Variants in SPESP1 observed in about 807,000 individuals in gnomAD.
SPESP1 encodes sperm equatorial segment protein 1, also known as equatorial segment protein.
SPESP1 carries 1 observed loss-of-function variant against 3.1 expected under a neutral mutation model. The ratio of observed to expected loss-of-function variants is 0.33; its 90% confidence interval spans 0.12 to 1.54. The LOEUF (loss-of-function observed/expected upper bound fraction) is 1.54. Among genes scored for constraint, SPESP1 ranks in the 40% most tolerant of loss-of-function variants. The pLI, the probability that SPESP1 is intolerant of heterozygous loss-of-function variation, is 0.38. For synonymous variants in SPESP1, 138 were observed against 150.7 expected (o/e 0.92, Z 0.62); for missense variants, 398 against 410.1 (o/e 0.97, Z 0.26).
intron 1 of SPESP1, 130 bp downstream of exon 1, chr15:68,930,847 C>G: frequency 7.0e-7 from 1 of 1,424,402 alleles, no homozygotes; most frequent in Non-Finnish European, 9.6e-7. Flanking sequence ...TGTCCGGGGT[C>G]CTGGCCTCGA....
intron 1 of SPESP1, among the ~76,000 whole-genome samples, chr15:68,939,561 A>G (rs372365786): frequency 1.3e-5 from 2 of 152,238 alleles, no homozygotes; most frequent in Non-Finnish European, 2.9e-5. Flanking sequence ...GAGAAGGTCA[A>G]CATGAAATAG....
In SPESP1 at chr15:68,939,218, A is replaced by G. The variant is rs1231928513; in HGVS notation, c.65-6381A>G. On this transcript the variant is annotated intron_variant, in intron 1 of 1. Transcript: ENST00000310673. The stretch of plus-strand genomic sequence containing the variant: ...ATGGTTTCCCAAGCTGAAGATTCTT[A>G]CCTGGGCCAGAGCCATGTTCTAGGA... Among the ~76,000 whole-genome samples, 5 of 152,216 alleles carry G rather than the reference A, an allele frequency of 3.3e-5. No individual in the cohort carries two copies. In the East Asian group the frequency reaches 9.6e-4, roughly 29 times the overall value.
chr15:68,938,908 A>T (rs939028337), intron 1 of SPESP1, among the ~76,000 whole-genome samples: 1 of 152,190 alleles, frequency 6.6e-6, no homozygotes, highest in Non-Finnish European at 1.5e-5. Context: ...TGCCTGGCAC[A>T]TAGTGATCAT....
At chr15:68,930,978 G>A (rs2140414803) in intron 1 of SPESP1, among the ~76,000 whole-genome samples, 1 of 152,316 alleles carries the variant, frequency 6.6e-6, no homozygotes, top group African/African-American at 2.4e-5. Context: ...TCACCTCACC[G>A]GAGGCCTTCC....
rs748795850 is a variant in SPESP1 at position 68,946,733 on chromosome 15, A to G, written c.*146A>G. 65 of 1,042,206 alleles carry G rather than the reference A, an allele frequency of 6.2e-5. No individual in the cohort carries two copies. The highest frequency in any genetic ancestry group is 7.5e-5 in the Non-Finnish European group (60 of 798,212). The allele number at this position is 1,042,206 out of a possible 1,614,324, so 64.6% of individuals were successfully genotyped here. Reference sequence around the variant, plus strand: ...TTTCTATTGTAGTTCAAATGTGCCAACATCTTTATGTGTCATGTGTTATGA... The same window carrying G: ...TTTCTATTGTAGTTCAAATGTGCCAGCATCTTTATGTGTCATGTGTTATGA... On this transcript the variant is annotated 3_prime_UTR_variant, in exon 2 of 2. Transcript: ENST00000310673.
intron 1 of SPESP1, among the ~76,000 whole-genome samples, chr15:68,941,064 A>G (rs1030000324): frequency 3.9e-5 from 6 of 151,976 alleles, no homozygotes; most frequent in African/African-American, 1.2e-4. Flanking sequence ...GCTTTATAAT[A>G]TATTTAAATA....
Position 68,946,225 on chromosome 15 carries a change from T to G in SPESP1, c.691T>G (p.Leu231Val), listed in dbSNP as rs759965013. Residue 231 changes from leucine to valine, a missense_variant, in exon 2 of 2, where the codon TTA (leucine) becomes GTA (valine). Coordinates refer to ENST00000310673, the MANE Select transcript of SPESP1 (RefSeq NM_145658.4). The stretch of plus-strand genomic sequence containing the variant: ...TAATGATGACATTTTGAAAAAAATT[T>G]TAGATATTAATTCACAAGTGCAACA... ...WNNDDILKKI[L>V]DINSQVQQAL... 3 of 1,614,092 alleles carry G rather than the reference T, an allele frequency of 1.9e-6. No homozygotes were observed. The East Asian group carries it at 6.7e-5, about 36-fold the overall frequency.
chr15:68,934,717 AT>A (rs796417180), intron 1 of SPESP1, among the ~76,000 whole-genome samples: 34 of 152,252 alleles, frequency 2.2e-4, no homozygotes, highest in African/African-American at 8.2e-4. Flanking sequence ...CTTAAGCAAC[AT>A]TTTTTATCTC....
rs557432084 is a variant in SPESP1 at position 68,937,485 on chromosome 15, AT to A, written c.64+6776del. On this transcript the variant is annotated intron_variant, in intron 1 of 1. Transcript: ENST00000310673. ...AAGGGGAGTAAGGATGGAACTTATT[AT>A]TTTTTTTCTTTATTTCTTCTAAAAA... Among the ~76,000 whole-genome samples the A allele has an allele frequency of 2.0e-3, 306 of 151,688 alleles. 1 individual carries two copies. Among genetic ancestry groups the A allele is most frequent in the African/African-American group, 6.8e-3 (281 of 41,302 alleles).
intron 1 of SPESP1, among the ~76,000 whole-genome samples, chr15:68,936,252 T>C (rs1895678312): frequency 6.6e-6 from 1 of 152,204 alleles, no homozygotes; most frequent in Non-Finnish European, 1.5e-5. Context: ...TTCAAATCTT[T>C]AACAAAATGA....
intron 1 of SPESP1, among the ~76,000 whole-genome samples, chr15:68,936,576 A>T (rs1567062827): frequency 6.6e-6 from 1 of 152,314 alleles, no homozygotes; most frequent in African/African-American, 2.4e-5. Context: ...GATATGGGAA[A>T]TGGATTTTAC....
At chr15:68,939,156 G>A (rs1363637482) in intron 1 of SPESP1, among the ~76,000 whole-genome samples, 5 of 152,138 alleles carry the variant, frequency 3.3e-5, no homozygotes, top group Non-Finnish European at 7.3e-5. Context: ...TTAGCAGTTA[G>A]CCATCCTGCT....
chr15:68,930,765 A>G, intron 1 of SPESP1, 48 bp downstream of exon 1: 1 of 1,612,462 alleles, frequency 6.2e-7, no homozygotes, highest in African/African-American at 1.3e-5. Flanking sequence ...ACCCTGGGGG[A>G]ACTTCCCGAG....
In SPESP1 at chr15:68,946,364, C is replaced by A; in HGVS notation, c.830C>A (p.Thr277Lys). ...GCAGCAGCAGAACATAAATTAAAAA[C>A]AATGTATAAGTCCCAGTTATTGCCA... Reference protein sequence around the residue: ...LAAAAEHKLKTMYKSQLLPVG... With the variant: ...LAAAAEHKLKKMYKSQLLPVG... The change falls in exon 2 of 2, where the codon ACA (threonine) becomes AAA (lysine). Residue 277 changes from threonine to lysine, a missense_variant. Transcript: ENST00000310673. 6.2e-7 allele frequency: 1 copy of A among 1,614,098 alleles called. No homozygotes were observed. The highest frequency in any genetic ancestry group is 2.2e-5 in the East Asian group (1 of 44,870).
At chr15:68,930,761 G>A (rs1164123375) in intron 1 of SPESP1, 44 bp downstream of exon 1, 2 of 1,612,928 alleles carry the variant, frequency 1.2e-6, no homozygotes, top group Admixed American at 1.7e-5. Flanking sequence ...GGACACCCTG[G>A]GGGAACTTCC....
chr15:68,938,430 T>C (rs1257818591), intron 1 of SPESP1, among the ~76,000 whole-genome samples: 1 of 152,226 alleles, frequency 6.6e-6, no homozygotes, highest in Non-Finnish European at 1.5e-5. Context: ...AAGAAAATAC[T>C]GTATTTGGAT....
At chr15:68,943,158 C>T (rs1222519359) in intron 1 of SPESP1, among the ~76,000 whole-genome samples, 5 of 151,520 alleles carry the variant, frequency 3.3e-5, no homozygotes, top group Non-Finnish European at 7.4e-5. Flanking sequence ...CCTCTACTGA[C>T]CAAATTGAGT....
chr15:68,943,872 T>C lies in SPESP1; in HGVS notation c.65-1727T>C, dbSNP rs376297588. ...AAGAATTTTTTAAGATTTAGAAATATGCCTTCAATTTTGATTAAACGTCGA... is the reference window on the plus strand; with the variant it reads ...AAGAATTTTTTAAGATTTAGAAATACGCCTTCAATTTTGATTAAACGTCGA... On this transcript the variant is annotated intron_variant, in intron 1 of 1. Coordinates refer to ENST00000310673, the MANE Select transcript of SPESP1 (RefSeq NM_145658.4). 1.2e-4 allele frequency among the ~76,000 whole-genome samples: 18 copies of C among 152,192 alleles called. No homozygotes were observed. In the South Asian group the frequency reaches 3.5e-3, roughly 30 times the overall value.
chr15:68,946,423 G>A lies in SPESP1; in HGVS notation c.889G>A (p.Glu297Lys), dbSNP rs543376040. ...AACAAGTAATAAAATTGATGACATC[G>A]AAACTGTTATTAACATGCTGTGTAA... ...GRTSNKIDDI[E>K]TVINMLCNSR... is the part of the protein sequence containing the mutation. The change falls in exon 2 of 2, where the codon GAA becomes AAA. Residue 297 changes from glutamate to lysine, a missense_variant. Transcript: ENST00000310673. 9.0e-5 allele frequency: 146 copies of A among 1,613,934 alleles called. 1 individual carries two copies. Among genetic ancestry groups the A allele is most frequent in the East Asian group, 1.8e-4 (8 of 44,866 alleles).
Sources: gnomAD v4.1 joint callset for allele counts (sites outside exome capture counted in the v4.1 genomes callset) on GRCh38, gnomAD v4.1.1 for gene constraint, MANE v1.5 for transcripts, NCBI Gene and HGNC (gene_info 2026-07-23, HGNC 2026-07-21) for gene names.